SUZ12: variants seen among roughly 807,000 people sequenced by gnomAD.
The protein encoded by SUZ12 is polycomb protein SUZ12.
SUZ12 carries 17 observed loss-of-function variants against 87.3 expected under a neutral mutation model. The ratio of observed to expected loss-of-function variants is 0.19; its 90% confidence interval spans 0.13 to 0.29. SUZ12 has a LOEUF of 0.29. Ranked by LOEUF, SUZ12 falls within the 10% of genes least tolerant of loss-of-function variation. The pLI is 1.00. For synonymous variants in SUZ12, 253 were observed against 312.4 expected, an observed-to-expected ratio of 0.81 and a Z score of 2.01; for missense variants, 526 against 912.2, an observed-to-expected ratio of 0.58 and a Z score of 5.45.
intron 4 of SUZ12, among the ~76,000 whole-genome samples, chr17:31,955,761 G>A (rs887277373): frequency 2.0e-5 from 3 of 151,688 alleles, no homozygotes; most frequent in African/African-American, 7.3e-5. Flanking sequence ...AAAACTTACA[G>A]TAGAGATCCA....
intron 6 of SUZ12, among the ~76,000 whole-genome samples, chr17:31,974,852 A>G (rs557940302): frequency 6.6e-6 from 1 of 152,196 alleles, no homozygotes; most frequent in Non-Finnish European, 1.5e-5. Flanking sequence ...TTTTTCTAGT[A>G]TGCATTTTCA....
intron 9 of SUZ12, among the ~76,000 whole-genome samples, chr17:31,986,385 T>G (rs1368205908): frequency 6.6e-6 from 1 of 152,208 alleles, no homozygotes; most frequent in Non-Finnish European, 1.5e-5. Context: ...GCTGGTCTAA[T>G]AGATAATTGG....
chr17:31,972,980 A>T (rs1460654722), intron 5 of SUZ12, among the ~76,000 whole-genome samples, 166 bp from the exon 6 acceptor site: 2 of 151,776 alleles, frequency 1.3e-5, no homozygotes, highest in Non-Finnish European at 1.5e-5. Context: ...GCTTTTAAAG[A>T]GTTTGCTGTA....
chr17:31,940,377 C>T, intron 2 of SUZ12, 45 bp downstream of exon 2: 1 of 1,589,494 alleles, frequency 6.3e-7, no homozygotes, highest in Non-Finnish European at 8.5e-7. Flanking sequence ...TCTCTTATAA[C>T]TGCATCTGTA....
intron 12 of SUZ12, 77 bp downstream of exon 12, chr17:31,994,085 C>T: frequency 7.3e-7 from 1 of 1,371,690 alleles, no homozygotes; most frequent in Non-Finnish European, 9.7e-7. Flanking sequence ...TCTATGTACC[C>T]ACAAAAATTT....
chr17:31,980,690 C>G (rs2142189874), intron 8 of SUZ12, among the ~76,000 whole-genome samples: 1 of 152,078 alleles, frequency 6.6e-6, no homozygotes, highest in African/African-American at 2.4e-5. Flanking sequence ...TCAGGTGATC[C>G]TCCCACCTCA....
chr17:31,999,644 A>G lies in SUZ12; in HGVS notation c.*641A>G, dbSNP rs1005806291. On this transcript the variant is annotated 3_prime_UTR_variant, in exon 16 of 16. Coordinates refer to ENST00000322652, the MANE Select transcript of SUZ12 (RefSeq NM_015355.4). ...TCTTATGCCTGTTTGAGAAGATATT[A>G]AATTTTCACATTGTTGACAGTGAAA... 1 of 231,970 alleles carries G rather than the reference A, an allele frequency of 4.3e-6. No homozygotes were observed. Among genetic ancestry groups the G allele is most frequent in the African/African-American group, 2.2e-5 (1 of 45,292 alleles). The allele number at this position is 231,970 out of a possible 1,614,324, so 14.4% of individuals were successfully genotyped here.
At chr17:31,951,037 C>T (rs1283223048) in intron 4 of SUZ12, among the ~76,000 whole-genome samples, 1 of 152,182 alleles carries the variant, frequency 6.6e-6, no homozygotes, top group Non-Finnish European at 1.5e-5. Flanking sequence ...ATCTCAGCCT[C>T]CCAAAGTGCT....
intron 4 of SUZ12, among the ~76,000 whole-genome samples, chr17:31,954,580 G>C (rs1030351770): frequency 1.4e-5 from 2 of 144,358 alleles, no homozygotes; most frequent in Non-Finnish European, 3.0e-5. Context: ...ATGGAGCTTA[G>C]TGTTAGGGGA....
intron 9 of SUZ12, among the ~76,000 whole-genome samples, chr17:31,987,437 C>G (rs1909475724): frequency 6.6e-6 from 1 of 151,968 alleles, no homozygotes; most frequent in South Asian, 2.1e-4. Flanking sequence ...GGTCAGATGG[C>G]TAAAAGTTAG....
intron 4 of SUZ12, among the ~76,000 whole-genome samples, chr17:31,962,938 T>G (rs1907825701): frequency 6.6e-6 from 1 of 152,266 alleles, no homozygotes; most frequent in African/African-American, 2.4e-5. Context: ...TATCTTCTAA[T>G]GTGAGAATTG....
In SUZ12 at chr17:31,942,890, A is replaced by G. The variant is rs12602233; in HGVS notation, c.386+2404A>G. 2.0e-5 allele frequency among the ~76,000 whole-genome samples: 3 copies of G among 152,308 alleles called. No individual in the cohort carries two copies. In the East Asian group the frequency reaches 5.8e-4, roughly 29 times the overall value. ...TACATTTAAAGGCGAGAATTGTGTTAAGCATTTGGTATTGTCATTATAGTT... is the reference window on the plus strand; with the variant it reads ...TACATTTAAAGGCGAGAATTGTGTTGAGCATTTGGTATTGTCATTATAGTT... On this transcript the variant is annotated intron_variant, in intron 3 of 15. Transcript: ENST00000322652.
chr17:31,976,984 G>A (rs1908794314), intron 8 of SUZ12, among the ~76,000 whole-genome samples: 2 of 152,220 alleles, frequency 1.3e-5, no homozygotes, highest in South Asian at 2.1e-4. Context: ...TTAGTGATGA[G>A]TGTTGTGAAG....
chr17:32,000,733 C>T lies in SUZ12; in HGVS notation c.*1730C>T. 1 of 230,800 alleles carries T rather than the reference C, an allele frequency of 4.3e-6. No homozygotes were observed. Among genetic ancestry groups the T allele is most frequent in the Non-Finnish European group, 8.6e-6 (1 of 116,510 alleles). The allele number at this position is 230,800 out of a possible 1,614,324, so 14.3% of individuals were successfully genotyped here. On this transcript the variant is annotated 3_prime_UTR_variant, in exon 16 of 16. Transcript: ENST00000322652. ...TATGCTCTTAATGCTTAAAAGAAGG[C>T]TAGCATTGTTTGCACAAAAAGTTGG...
rs748955039 is a variant in SUZ12, at chr17:31,993,263, C to T, written c.1223C>T (p.Thr408Ile). 6.3e-7 allele frequency: 1 copy of T among 1,577,408 alleles called. No individual in the cohort carries two copies. Among genetic ancestry groups the T allele is most frequent in the African/African-American group, 1.4e-5 (1 of 72,300 alleles). ...TCAGCTGTTAAAGAATCATTGACTA[C>T]AGATCTACAAACAAGAAAAGAAAAG... ...QTIAVKESLT[T>I]DLQTRKEKDT... The change falls in exon 11 of 16, where the codon ACA (threonine) becomes ATA (isoleucine). Residue 408 changes from threonine to isoleucine, a missense_variant. By Grantham distance (89) the Thr-to-Ile change is moderately conservative. Transcript: ENST00000322652.
chr17:31,971,495 T>C (rs1366575504), intron 5 of SUZ12, among the ~76,000 whole-genome samples: 1 of 149,314 alleles, frequency 6.7e-6, no homozygotes, highest in Non-Finnish European at 1.5e-5. Flanking sequence ...TGGTGTGATC[T>C]CAGCTTACTG....
chr17:31,947,295 G>C (rs2470265), intron 3 of SUZ12, among the ~76,000 whole-genome samples: 1 of 152,090 alleles, frequency 6.6e-6, no homozygotes, highest in East Asian at 1.9e-4. Flanking sequence ...TGAGTTTTAC[G>C]TGTAGGAAAC....
chr17:31,990,121 A>ATTTTTTT (rs59793925), intron 10 of SUZ12, among the ~76,000 whole-genome samples: 63 of 99,832 alleles, frequency 6.3e-4, no homozygotes, highest in African/African-American at 2.8e-3. Context: ...TGCCCGGCTA[A>ATTTTTTT]TTTTTTTTTT....
chr17:31,995,187 T>C (rs1268808092), intron 13 of SUZ12, among the ~76,000 whole-genome samples: 2 of 150,080 alleles, frequency 1.3e-5, no homozygotes, highest in African/African-American at 4.8e-5. Context: ...TGTATGCATA[T>C]GTAACCAGTG....
Sources: gnomAD v4.1 joint callset for allele counts (sites outside exome capture counted in the v4.1 genomes callset) on GRCh38, gnomAD v4.1.1 for gene constraint, MANE v1.5 for transcripts, NCBI Gene and HGNC (gene_info 2026-07-23, HGNC 2026-07-21) for gene names.